The following SH3RF2 variants were observed in gnomAD, a reference collection of about 807,000 sequenced individuals.
SH3RF2 encodes the protein SH3 domain containing ring finger 2.
SH3RF2 carries 43 observed loss-of-function variants against 59.0 expected under a neutral mutation model. The observed-to-expected ratio is 0.73, with a 90% confidence interval of 0.57 to 0.94. SH3RF2 has a LOEUF of 0.94. SH3RF2 is among the 40% of genes least tolerant of loss of function. The pLI is 0.00. For synonymous variants in SH3RF2, 391 were observed against 391.5 expected (o/e 1.00, Z 0.01); for missense variants, 930 against 940.1 (o/e 0.99, Z 0.14).
rs145350509 is a variant in SH3RF2 at position 146,058,723 on chromosome 5, T to C, written c.1556-1143T>C. Reference sequence around the variant, plus strand: ...AATGGCCCAGTGTGTTTCTCATGGGTGTCTCCTCCACTTCCCCACAGAATG... The same window carrying C: ...AATGGCCCAGTGTGTTTCTCATGGGCGTCTCCTCCACTTCCCCACAGAATG... On this transcript the variant is annotated intron_variant, in intron 8 of 9. Coordinates refer to ENST00000359120, the MANE Select transcript of SH3RF2 (RefSeq NM_152550.4). Among the ~76,000 whole-genome samples the C allele has an allele frequency of 1.4e-3, 216 of 152,172 alleles. 1 individual carries two copies. Among genetic ancestry groups the C allele is most frequent in the African/African-American group, 4.8e-3 (201 of 41,516 alleles).
chr5:146,007,015 C>A (rs140734564), intron 4 of SH3RF2, among the ~76,000 whole-genome samples: 2 of 152,284 alleles, frequency 1.3e-5, no homozygotes, highest in African/African-American at 4.8e-5. Flanking sequence ...AGCCCATTAG[C>A]CTGAACCAGT....
chr5:145,992,572 G>A (rs1198909203), intron 2 of SH3RF2, among the ~76,000 whole-genome samples: 3 of 152,220 alleles, frequency 2.0e-5, no homozygotes. Context: ...AGTTCCACAT[G>A]GCTGGGGAAG....
intron 4 of SH3RF2, among the ~76,000 whole-genome samples, chr5:146,009,475 C>T (rs181376287): frequency 1.3e-5 from 2 of 152,286 alleles, no homozygotes; most frequent in Admixed American, 1.3e-4. Context: ...GGTGCCTCTT[C>T]TGGGCATATT....
In SH3RF2 at chr5:146,023,531, G is replaced by A. The variant is rs566176019; in HGVS notation, c.1059+9470G>A. On this transcript the variant is annotated intron_variant, in intron 5 of 9. Transcript: ENST00000359120. The stretch of plus-strand genomic sequence containing the variant: ...GCCTCCCCCATACTTTCTGTAAGCT[G>A]ATAGAACTAGAGGCTTGAAAGCTTC... Among the ~76,000 whole-genome samples, 413 of 152,292 alleles carry A rather than the reference G, an allele frequency of 2.7e-3. 1 individual carries two copies. Among genetic ancestry groups the A allele is most frequent in the African/African-American group, 9.5e-3 (395 of 41,570 alleles).
At chr5:146,061,960 G>T (rs1762909013) in intron 9 of SH3RF2, among the ~76,000 whole-genome samples, 1 of 152,150 alleles carries the variant, frequency 6.6e-6, no homozygotes, top group East Asian at 1.9e-4. Flanking sequence ...TGCAAACTGT[G>T]CTCTAAGGAT....
chr5:145,996,623 GA>G (rs1166382067), intron 2 of SH3RF2, among the ~76,000 whole-genome samples: 1 of 152,120 alleles, frequency 6.6e-6, no homozygotes, highest in Non-Finnish European at 1.5e-5. Context: ...TACAGTTTAA[GA>G]AAGATTAAGT....
At chr5:145,977,993 C>A (rs1487849355) in intron 2 of SH3RF2, among the ~76,000 whole-genome samples, 1 of 152,166 alleles carries the variant, frequency 6.6e-6, no homozygotes, top group Non-Finnish European at 1.5e-5. Context: ...GAAAGCAAAT[C>A]ACTGACTCTA....
chr5:145,985,309 A>T (rs1209945669), intron 2 of SH3RF2, among the ~76,000 whole-genome samples: 4 of 152,224 alleles, frequency 2.6e-5, no homozygotes, highest in Non-Finnish European at 5.9e-5. Flanking sequence ...ACGCACACAC[A>T]CAAACTTGTA....
intron 2 of SH3RF2, among the ~76,000 whole-genome samples, chr5:145,999,343 G>C (rs1378670373): frequency 1.3e-5 from 2 of 152,120 alleles, no homozygotes; most frequent in Non-Finnish European, 2.9e-5. Context: ...CGGCAATAAG[G>C]CTGATTCACT....
chr5:146,067,570 G>A (rs149090939), downstream of SH3RF2, among the ~76,000 whole-genome samples: 28 of 152,306 alleles, frequency 1.8e-4, 1 homozygote, highest in East Asian at 1.7e-3. Context: ...GTTTGAAGGC[G>A]GGTTCTGGGT....
At chr5:146,059,231 A>C (rs988842059) in intron 8 of SH3RF2, among the ~76,000 whole-genome samples, 6 of 152,022 alleles carry the variant, frequency 3.9e-5, no homozygotes, top group African/African-American at 1.4e-4. Flanking sequence ...CTGTGGAATA[A>C]CCTTTCCAAA....
intron 2 of SH3RF2, among the ~76,000 whole-genome samples, chr5:145,965,254 T>C (rs921352974): frequency 6.6e-6 from 1 of 151,938 alleles, no homozygotes; most frequent in African/African-American, 2.4e-5. Flanking sequence ...CCCACTGCAA[T>C]TTTTTGTTTT....
intron 2 of SH3RF2, among the ~76,000 whole-genome samples, chr5:145,949,334 T>C (rs1362675563): frequency 6.6e-6 from 1 of 152,222 alleles, no homozygotes; most frequent in Non-Finnish European, 1.5e-5. Flanking sequence ...ATTAAAGTAT[T>C]TTAATTGGTT....
intron 2 of SH3RF2, among the ~76,000 whole-genome samples, chr5:145,955,809 G>C (rs1420006869): frequency 1.3e-5 from 2 of 152,186 alleles, no homozygotes; most frequent in African/African-American, 4.8e-5. Context: ...ATGTTACTTT[G>C]TGTGATCATA....
downstream of SH3RF2, among the ~76,000 whole-genome samples, chr5:146,066,972 T>A (rs2906826): frequency 0.95 from 144,280 of 152,132 alleles, 68,908 homozygotes; most frequent in East Asian, 1. Flanking sequence ...GACATCTGAG[T>A]GGGGAAGGCG....
In SH3RF2 at chr5:146,050,684, C is replaced by T. The variant is rs182901093; in HGVS notation, c.1322+1439C>T. 7.2e-5 allele frequency among the ~76,000 whole-genome samples: 11 copies of T among 152,338 alleles called. No homozygotes were observed. In the East Asian group the frequency reaches 1.9e-3, roughly 27 times the overall value. The stretch of plus-strand genomic sequence containing the variant: ...CCAGTAAACAAAATATACAAAATTC[C>T]TGCTTACAGAAGCTTACATTCTAGT... On this transcript the variant is annotated intron_variant, in intron 7 of 9. Transcript: ENST00000359120.
At chr5:146,052,157 A>G (rs1762523621) in intron 7 of SH3RF2, among the ~76,000 whole-genome samples, 1 of 152,140 alleles carries the variant, frequency 6.6e-6, no homozygotes, top group African/African-American at 2.4e-5. Flanking sequence ...TGGTTATACC[A>G]TCAAAGACTC....
chr5:145,964,023 G>A (rs1268903265), intron 2 of SH3RF2, among the ~76,000 whole-genome samples: 6 of 151,346 alleles, frequency 4.0e-5, no homozygotes, highest in Non-Finnish European at 8.8e-5. Context: ...TAGTAGAGAC[G>A]GGGTTTCACC....
intron 5 of SH3RF2, among the ~76,000 whole-genome samples, chr5:146,034,907 A>G (rs1277356115): frequency 6.6e-6 from 1 of 152,148 alleles, no homozygotes; most frequent in African/African-American, 2.4e-5. Context: ...AGAGCTGGAG[A>G]CCAGCCTGGC....
Sources: allele counts gnomAD v4.1 joint callset (sites outside exome capture counted in the v4.1 genomes callset), GRCh38; gene constraint gnomAD v4.1.1; transcripts MANE v1.5; gene names NCBI Gene and HGNC (gene_info 2026-07-23, HGNC 2026-07-21).